KAZN: variants seen among roughly 807,000 people sequenced by gnomAD.
KAZN encodes kazrin.
A neutral mutation model predicts 87.4 loss-of-function variants in KAZN; 40 were observed. The observed-to-expected ratio is 0.46, with a 90% CI of 0.36 to 0.60. The LOEUF (loss-of-function observed/expected upper bound fraction) is 0.60. KAZN is among the 20% of genes least tolerant of loss of function. The pLI, the probability that KAZN is intolerant of heterozygous loss-of-function variation, is 0.00. For missense variants in KAZN, 898 were observed against 1,073.9 expected (o/e 0.84, Z 2.29); for synonymous variants, 466 against 458.3 (o/e 1.02, Z -0.22).
At chr1:14,600,094 T>G (rs1676835892) in intron 1 of KAZN, among the ~76,000 whole-genome samples, 1 of 77,378 alleles carries the variant, frequency 1.3e-5, no homozygotes, top group African/African-American at 3.4e-5. Flanking sequence ...TAAGCAGGCT[T>G]TGGGGGATTT....
chr1:14,596,799 A>G (rs1481185842), upstream of KAZN, among the ~76,000 whole-genome samples: 3 of 152,236 alleles, frequency 2.0e-5, no homozygotes, highest in Non-Finnish European at 4.4e-5. Flanking sequence ...ACGGCTGAGT[A>G]ATATTCCATT....
At chr1:13,991,536 T>C (rs1639284510) in intron 1 of KAZN, among the ~76,000 whole-genome samples, 1 of 152,166 alleles carries the variant, frequency 6.6e-6, no homozygotes, top group South Asian at 2.1e-4. Flanking sequence ...TAAAATTCAG[T>C]AAAATAATTA....
chr1:13,958,530 C>T (rs932198269), intron 1 of KAZN, among the ~76,000 whole-genome samples: 4 of 149,346 alleles, frequency 2.7e-5, no homozygotes, highest in Admixed American at 6.7e-5. Context: ...GCCGAGATTG[C>T]GCCACTGCAC....
chr1:14,776,756 A>G (rs1308080101), intron 1 of KAZN, among the ~76,000 whole-genome samples: 1 of 152,110 alleles, frequency 6.6e-6, no homozygotes, highest in Middle Eastern at 3.4e-3. Context: ...GAAAGACCTT[A>G]TCTCCACAAT....
rs369650115 is a variant in KAZN at position 15,046,239 on chromosome 1, A to G, written c.726+2080A>G. On this transcript the variant is annotated intron_variant, in intron 4 of 14. Coordinates refer to ENST00000376030, the MANE Select transcript of KAZN (RefSeq NM_201628.3). ...TTTGAACCCGGGAGGCGGAGGTTGC[A>G]GTGAGCCAAGGTCAAGCCGCTGCAC... 7.3e-5 allele frequency among the ~76,000 whole-genome samples: 11 copies of G among 151,498 alleles called. No homozygotes were observed. The East Asian group carries it at 1.2e-3, about 16-fold the overall frequency.
At chr1:14,998,292 G>A (rs1668104861) in intron 2 of KAZN, among the ~76,000 whole-genome samples, 2 of 152,134 alleles carry the variant, frequency 1.3e-5, no homozygotes, top group African/African-American at 4.8e-5. Flanking sequence ...TGGGAGCCTG[G>A]GCCTTCTCTG....
intron 2 of KAZN, among the ~76,000 whole-genome samples, chr1:14,585,527 G>T (rs959713678): frequency 2.6e-5 from 4 of 152,140 alleles, no homozygotes; most frequent in Non-Finnish European, 5.9e-5. Context: ...AGCAGAGGAG[G>T]CCAAGCCAAA....
At chr1:14,473,862 G>A (rs1668583991) in intron 2 of KAZN, among the ~76,000 whole-genome samples, 1 of 152,112 alleles carries the variant, frequency 6.6e-6, no homozygotes, top group African/African-American at 2.4e-5. Context: ...GGTTATCTGG[G>A]AGGCTGACTC....
intron 1 of KAZN, among the ~76,000 whole-genome samples, chr1:14,811,447 T>A (rs1379525172): frequency 6.6e-6 from 1 of 152,250 alleles, no homozygotes; most frequent in Non-Finnish European, 1.5e-5. Context: ...ACTTAGTGAA[T>A]ACGTTAAAAC....
intron 2 of KAZN, among the ~76,000 whole-genome samples, chr1:14,536,248 G>A (rs1160013261): frequency 6.6e-6 from 1 of 152,224 alleles, no homozygotes; most frequent in East Asian, 1.9e-4. Context: ...CATACCAAAT[G>A]TCCTCTGACT....
intron 1 of KAZN, among the ~76,000 whole-genome samples, chr1:14,742,960 G>C (rs1322273105): frequency 8.7e-6 from 1 of 114,822 alleles, no homozygotes; most frequent in East Asian, 2.1e-4. Flanking sequence ...TCAAACAGAT[G>C]CTCCTGCACT....
intron 1 of KAZN, among the ~76,000 whole-genome samples, chr1:14,912,197 C>A (rs1165343140): frequency 1.3e-5 from 2 of 151,536 alleles, no homozygotes; most frequent in Non-Finnish European, 2.9e-5. Flanking sequence ...CCAGGGCCAC[C>A]CAGCCAACAG....
Position 15,094,912 on chromosome 1 carries a change from G to A in KAZN, c.1526G>A (p.Arg509His). Residue 509 changes from arginine (R) to histidine (H), a missense_variant, in exon 10 of 15, where the codon CGT becomes CAT. Physicochemically the swap from Arg to His is conservative, Grantham distance 29. Coordinates refer to ENST00000376030, the MANE Select transcript of KAZN (RefSeq NM_201628.3). The surrounding 1 kb of genome is among the most constrained non-coding windows in gnomAD (Gnocchi z 4.5). ...RKLRLAIEDY[R>H]DAEAGRSLSK... ...CTGCGCCTGGCCATCGAGGACTACC[G>A]TGATGCCGAGGCAGGCCGCAGGTGA... is the stretch of plus-strand genomic sequence containing the variant. The A allele has an allele frequency of 2.6e-6, 4 of 1,550,180 alleles. No homozygotes were observed. The highest frequency in any genetic ancestry group is 3.5e-6 in the Non-Finnish European group (4 of 1,146,462).
At chr1:14,758,913 A>AG (rs1644654361) in intron 1 of KAZN, among the ~76,000 whole-genome samples, 1 of 151,616 alleles carries the variant, frequency 6.6e-6, no homozygotes, top group Non-Finnish European at 1.5e-5. Flanking sequence ...ATCCAGAAAA[A>AG]AAAAAATGAA....
chr1:14,176,089 G>A (rs1396815110), intron 1 of KAZN, among the ~76,000 whole-genome samples: 1 of 152,164 alleles, frequency 6.6e-6, no homozygotes, highest in East Asian at 1.9e-4. Context: ...TTTAGATCTG[G>A]AGCACCTATT....
In KAZN at chr1:14,127,399, GT is replaced by G. The variant is rs574276908; in HGVS notation, c.92-53021del. 6.9e-3 allele frequency among the ~76,000 whole-genome samples: 330 copies of G among 47,668 alleles called. 5 individuals are homozygous for G. The highest frequency in any genetic ancestry group is 0.023 in the African/African-American group (186 of 8,198). 31.3% of individuals were successfully genotyped at this position (47,668 alleles called of 152,430 possible). A position where few individuals can be genotyped will look rare whatever the true frequency, so the allele number is the denominator to read the frequency against. On this transcript the variant is annotated intron_variant, in intron 1 of 16. Transcript: ENST00000636203. ...AGAAAAAGCATACCCCTTTACTGTT[GT>G]TTTTTTTTTTTTTTGGTCTGAGTGT...
chr1:14,147,505 A>G (rs116608206), intron 1 of KAZN, among the ~76,000 whole-genome samples: 3,127 of 152,320 alleles, frequency 0.021, 97 homozygotes, highest in African/African-American at 0.07. Context: ...TTAAAACGTC[A>G]CTGCAGGGCT....
At chr1:14,726,895 C>A (rs1643409223) in intron 1 of KAZN, among the ~76,000 whole-genome samples, 1 of 152,178 alleles carries the variant, frequency 6.6e-6, no homozygotes, top group African/African-American at 2.4e-5. Flanking sequence ...CTCACTGAAT[C>A]TTGAAGACAG....
intron 1 of KAZN, among the ~76,000 whole-genome samples, chr1:13,914,417 C>T (rs1206364162): frequency 1.3e-5 from 2 of 152,352 alleles, no homozygotes; most frequent in Non-Finnish European, 1.5e-5. Flanking sequence ...GGCTCAGACG[C>T]GAGCTAATAG....
Sources: allele counts gnomAD v4.1 joint callset (sites outside exome capture counted in the v4.1 genomes callset), GRCh38; gene constraint gnomAD v4.1.1; non-coding constraint Gnocchi (gnomAD v3.1); transcripts MANE v1.5; gene names NCBI Gene and HGNC (gene_info 2026-07-23, HGNC 2026-07-21).